Variants in AVEN observed in about 807,000 individuals in gnomAD.
The protein encoded by AVEN is apoptosis and caspase activation inhibitor, also known as cell death regulator Aven.
A neutral mutation model predicts 38.1 loss-of-function variants in AVEN; 41 were observed. The observed-to-expected ratio is 1.08, with a 90% CI of 0.84 to 1.40. AVEN has a LOEUF of 1.40. Ranked by LOEUF, AVEN falls within the 40% of genes most tolerant of loss-of-function variation. The pLI is 0.00. For synonymous variants in AVEN, 206 were observed against 171.8 expected, an observed-to-expected ratio of 1.20 and a Z score of -1.56; for missense variants, 605 against 438.8, an observed-to-expected ratio of 1.38 and a Z score of -3.38.
intron 2 of AVEN, among the ~76,000 whole-genome samples, chr15:33,905,709 C>T (rs966616594): frequency 3.9e-5 from 6 of 152,052 alleles, no homozygotes; most frequent in Middle Eastern, 6.8e-3. Context: ...CCTGTGGTCC[C>T]AGAGGGAGGC....
intron 2 of AVEN, among the ~76,000 whole-genome samples, chr15:33,958,537 G>T (rs1159098664): frequency 6.7e-6 from 1 of 149,498 alleles, no homozygotes; most frequent in African/African-American, 2.5e-5. Context: ...GTTACAGTGA[G>T]CCCAGATCAT....
chr15:33,860,161 A>T (rs1279667447), intron 11 of AVEN, among the ~76,000 whole-genome samples: 1 of 152,200 alleles, frequency 6.6e-6, no homozygotes. Context: ...TGATAAATTT[A>T]GCTTGAGTCA....
At chr15:34,023,894 G>A (rs900280962) in intron 1 of AVEN, among the ~76,000 whole-genome samples, 1 of 152,136 alleles carries the variant, frequency 6.6e-6, no homozygotes, top group African/African-American at 2.4e-5. Context: ...ACTCATTCTG[G>A]CTCTTTTTAT....
chr15:34,006,434 A>G (rs534697876), intron 1 of AVEN, among the ~76,000 whole-genome samples: 1 of 152,352 alleles, frequency 6.6e-6, no homozygotes, highest in Admixed American at 6.5e-5. Flanking sequence ...GGGTGAACAG[A>G]GTTCAGAGAG....
At chr15:33,905,818 T>G (rs1460193966) in intron 2 of AVEN, among the ~76,000 whole-genome samples, 2 of 74,826 alleles carry the variant, frequency 2.7e-5, no homozygotes, top group Non-Finnish European at 5.5e-5. Context: ...AGACCTTGTT[T>G]CGGGAAAGAA....
chr15:33,960,611 T>C (rs965026700), intron 2 of AVEN, among the ~76,000 whole-genome samples: 2 of 152,246 alleles, frequency 1.3e-5, no homozygotes, highest in African/African-American at 4.8e-5. Context: ...TGAACTCTTT[T>C]GAAGGGGTTC....
At chr15:33,949,339 C>T (rs1894639798) in intron 2 of AVEN, among the ~76,000 whole-genome samples, 1 of 152,180 alleles carries the variant, frequency 6.6e-6, no homozygotes, top group African/African-American at 2.4e-5. Context: ...TAATGTTCAA[C>T]AGCACAGTAG....
Position 33,870,956 on chromosome 15 carries a change from G to A in AVEN, c.591C>T (p.Asn197=), listed in dbSNP as rs746588773. The change falls in exon 4 of 6, where the codon AAC becomes AAT. Residue 197 remains asparagine (N), a synonymous_variant. Coordinates refer to ENST00000306730, the MANE Select transcript of AVEN (RefSeq NM_020371.3). ...TTACCTGGACCAGTTCGGCAGCAAC[G>A]TTGAGTCGGAGGCAGAGAGGCAGCT... The part of the protein sequence containing the change: ...LQELPLCLRL[N]VAAELVQGTV... 8.7e-6 allele frequency: 14 copies of A among 1,611,142 alleles called. No homozygotes were observed. Among genetic ancestry groups the A allele is most frequent in the Non-Finnish European group, 1.1e-5 (13 of 1,178,238 alleles).
At chr15:33,889,572 T>A (rs565425560) in intron 2 of AVEN, among the ~76,000 whole-genome samples, 1 of 135,232 alleles carries the variant, frequency 7.4e-6, no homozygotes, top group East Asian at 2.2e-4. Flanking sequence ...TTCAACCCAA[T>A]GGACATGAAA....
intron 11 of AVEN, chr15:33,859,574 G>A: frequency 6.2e-7 from 1 of 1,613,906 alleles, no homozygotes; most frequent in Non-Finnish European, 8.5e-7. Flanking sequence ...TTCTTCTCTA[G>A]TGTTACCTTT....
chr15:33,931,349 C>CTTTT (rs71119903), intron 2 of AVEN, among the ~76,000 whole-genome samples: 1 of 89,296 alleles, frequency 1.1e-5, no homozygotes. Context: ...TGAATATTTT[C>CTTTT]TTTTTTTTTT....
At chr15:34,028,271 G>A (rs1407420271) in intron 1 of AVEN, among the ~76,000 whole-genome samples, 1 of 152,218 alleles carries the variant, frequency 6.6e-6, no homozygotes, top group Non-Finnish European at 1.5e-5. Context: ...CCTACACACT[G>A]TAACAAGAGA....
intron 2 of AVEN, among the ~76,000 whole-genome samples, chr15:33,973,843 A>C (rs978068996): frequency 2.0e-5 from 3 of 152,224 alleles, no homozygotes; most frequent in African/African-American, 7.2e-5. Flanking sequence ...AGATGTGTTA[A>C]ATGAATGTGA....
intron 5 of AVEN, among the ~76,000 whole-genome samples, chr15:34,048,445 G>A (rs936849444): frequency 6.6e-6 from 1 of 150,970 alleles, no homozygotes; most frequent in African/African-American, 2.5e-5. Flanking sequence ...TGGCCAGGCT[G>A]CTTCTTTAAG....
chr15:33,895,775 T>G (rs1892209461), intron 2 of AVEN, among the ~76,000 whole-genome samples: 1 of 152,184 alleles, frequency 6.6e-6, no homozygotes, highest in Non-Finnish European at 1.5e-5. Context: ...CTTTTAAAAA[T>G]ACAAATCTGA....
chr15:33,854,471 A>G (rs1267498907), downstream of AVEN: 7 of 1,544,354 alleles, frequency 4.5e-6, no homozygotes, highest in East Asian at 9.4e-5. Flanking sequence ...ACCTGGAAAA[A>G]CAAAATTCTA....
chr15:34,002,995 G>C (rs1165777489), intron 2 of AVEN, 37 bp downstream of exon 2: 1 of 1,515,448 alleles, frequency 6.6e-7, no homozygotes, highest in Non-Finnish European at 8.9e-7. Context: ...GCAACTTTCA[G>C]AGCACTAAAC....
In AVEN at chr15:34,063,464, G is replaced by A. The variant is rs1201847762; in HGVS notation, n.1127-32C>T. Reference sequence around the variant, plus strand: ...AGAGAAAGCCAGCTCATAGGGCTCTGTTCAGATCCTGCTTGCGCTGTCCTC... The same window carrying A: ...AGAGAAAGCCAGCTCATAGGGCTCTATTCAGATCCTGCTTGCGCTGTCCTC... On this transcript the variant is annotated intron_variant and non_coding_transcript_variant, in intron 4 of 11. Coordinates refer to the AVEN transcript ENST00000675287. This position sits in a 1 kb window ranked among gnomAD's most constrained non-coding sequence, Gnocchi z 4.1. 1 of 1,613,724 alleles carries A rather than the reference G, an allele frequency of 6.2e-7. No homozygotes were observed. Among genetic ancestry groups the A allele is most frequent in the African/African-American group, 1.3e-5 (1 of 74,926 alleles).
At chr15:34,045,848 T>G (rs746469184) in intron 5 of AVEN, among the ~76,000 whole-genome samples, 1 of 152,234 alleles carries the variant, frequency 6.6e-6, no homozygotes, top group African/African-American at 2.4e-5. Flanking sequence ...GCTTCATTTG[T>G]AATGTATTGA....
Sources: allele counts gnomAD v4.1 joint callset (sites outside exome capture counted in the v4.1 genomes callset), GRCh38; gene constraint gnomAD v4.1.1; non-coding constraint Gnocchi (gnomAD v3.1); transcripts MANE v1.5; gene names NCBI Gene and HGNC (gene_info 2026-07-23, HGNC 2026-07-21).